Variants in TENM3 observed in about 807,000 individuals in gnomAD.
TENM3 encodes teneurin-3.
TENM3 carries 63 observed loss-of-function variants against 255.1 expected under a neutral mutation model. The ratio of observed to expected loss-of-function variants is 0.25; its 90% CI spans 0.20 to 0.30. TENM3 has a LOEUF of 0.30. TENM3 is among the 10% of genes least tolerant of loss of function. The probability of loss-of-function intolerance (pLI) is 1.00; values close to 1 mark genes in which losing one functional copy is unlikely to be tolerated. For missense variants in TENM3, 2,929 were observed against 3,461.1 expected (o/e 0.85, Z 3.86); for synonymous variants, 1,306 against 1,322.3 (o/e 0.99, Z 0.27).
upstream of TENM3, chr4:182,142,811 G>T (rs1749559318): frequency 1.2e-5 from 2 of 165,854 alleles, no homozygotes. Context: ...TCACTCGGCA[G>T]CCCCAAGCAC....
At chr4:182,601,503 T>G (rs1747848267) in intron 4 of TENM3, among the ~76,000 whole-genome samples, 1 of 152,224 alleles carries the variant, frequency 6.6e-6, no homozygotes, top group Non-Finnish European at 1.5e-5. Context: ...GCATGTAGTT[T>G]GATTCAGTGG....
chr4:182,557,282 C>T (rs1006890586), intron 3 of TENM3, among the ~76,000 whole-genome samples: 1 of 151,952 alleles, frequency 6.6e-6, no homozygotes. Context: ...TAACTGGGAC[C>T]CTATTTATTG....
At chr4:181,610,146 C>T in the TENM3 span, among the ~76,000 whole-genome samples, 25 of 152,282 alleles carry the variant, frequency 1.6e-4, no homozygotes, top group African/African-American at 5.5e-4. Context: ...TGGAGACGAA[C>T]CACATCAATG....
chr4:181,927,783 G>C, the TENM3 span, among the ~76,000 whole-genome samples: 3 of 152,160 alleles, frequency 2.0e-5, no homozygotes, highest in Non-Finnish European at 4.4e-5. Flanking sequence ...GCTCCAGCTG[G>C]CATCTGGCAG....
the TENM3 span, among the ~76,000 whole-genome samples, chr4:181,948,713 G>T: frequency 6.6e-6 from 1 of 152,116 alleles, no homozygotes; most frequent in Non-Finnish European, 1.5e-5. Context: ...ACCGCGCCTG[G>T]CCGGAAAATT....
At chr4:182,445,994 G>A (rs979214944) in intron 3 of TENM3, among the ~76,000 whole-genome samples, 3 of 152,176 alleles carry the variant, frequency 2.0e-5, no homozygotes, top group African/African-American at 7.2e-5. Flanking sequence ...ACTCTTTGGT[G>A]GACTCCTGTA....
chr4:181,984,994 A>G, the TENM3 span, among the ~76,000 whole-genome samples: 22 of 152,178 alleles, frequency 1.4e-4, 1 homozygote, highest in Admixed American at 1.1e-3. Flanking sequence ...GCACTGGCCA[A>G]TAGTGACGGC....
the TENM3 span, among the ~76,000 whole-genome samples, chr4:181,560,803 T>C: frequency 6.6e-6 from 1 of 152,114 alleles, no homozygotes; most frequent in East Asian, 1.9e-4. Context: ...GCCTGCTTTG[T>C]TCAGGAACAG....
At chr4:181,926,801 A>G in the TENM3 span, among the ~76,000 whole-genome samples, 3 of 151,906 alleles carry the variant, frequency 2.0e-5, no homozygotes, top group Non-Finnish European at 4.4e-5. Context: ...TGCATTTCCA[A>G]CTGAGGTACC....
rs1758841362 is a variant in TENM3, at chr4:182,262,143, A to G, written c.-76+18667A>G. ...GAACTGCATTTTTTTACAGCAATTA[A>G]GTGCCATACCTGATCATCTCATAGC... On this transcript the variant is annotated intron_variant, in intron 1 of 27. Coordinates refer to ENST00000511685, the MANE Select transcript of TENM3 (RefSeq NM_001080477.4). 2.0e-5 allele frequency among the ~76,000 whole-genome samples: 3 copies of G among 152,224 alleles called. No homozygotes were observed. The South Asian group carries it at 6.2e-4, about 32-fold the overall frequency.
At chr4:181,895,615 G>A in the TENM3 span, among the ~76,000 whole-genome samples, 4 of 133,064 alleles carry the variant, frequency 3.0e-5, no homozygotes, top group Non-Finnish European at 6.1e-5. Context: ...TGCAGTCATA[G>A]CTCACTGCAG....
chr4:181,697,759 T>G, the TENM3 span, among the ~76,000 whole-genome samples: 1 of 152,186 alleles, frequency 6.6e-6, no homozygotes, highest in African/African-American at 2.4e-5. Flanking sequence ...TAAACACTAT[T>G]AAGTGAAATG....
the TENM3 span, among the ~76,000 whole-genome samples, chr4:181,830,756 G>A: frequency 1.3e-5 from 2 of 152,118 alleles, no homozygotes; most frequent in Non-Finnish European, 2.9e-5. Context: ...CTTCCCAGAT[G>A]GACTGAAATC....
intron 3 of TENM3, among the ~76,000 whole-genome samples, chr4:182,599,725 A>G (rs1747646234): frequency 6.6e-6 from 1 of 152,218 alleles, no homozygotes. Context: ...TGGAGTTCAC[A>G]TCGTAGATGG....
intron 3 of TENM3, among the ~76,000 whole-genome samples, chr4:182,514,836 T>A (rs1056108439): frequency 3.9e-5 from 6 of 152,058 alleles, no homozygotes; most frequent in Non-Finnish European, 8.8e-5. Context: ...GGGGCTGAGA[T>A]GCAGATCAAG....
At chr4:182,712,919 T>A (rs1326510685) in intron 12 of TENM3, among the ~76,000 whole-genome samples, 1 of 152,232 alleles carries the variant, frequency 6.6e-6, no homozygotes, top group Non-Finnish European at 1.5e-5. Flanking sequence ...CTTAGAATTT[T>A]AGAGCATTTC....
Position 182,796,638 on chromosome 4 carries a change from T to G in TENM3, c.7215T>G (p.Asp2405Glu). ...KIHDVKDYIT[D>E]VNSWLVTFGF... ...TCATTCTGAACATTCTTCTCCTAGA[T>G]GTTAACAGCTGGCTGGTGACATTTG... The change falls in exon 27 of 28, where the codon GAT becomes GAG. Residue 2405 changes from aspartate (D) to glutamate (E), a missense_variant and splice_region_variant. Asp to Glu is a conservative substitution (Grantham distance 45). Coordinates refer to ENST00000511685, the MANE Select transcript of TENM3 (RefSeq NM_001080477.4). The G allele has an allele frequency of 1.2e-6, 2 of 1,605,570 alleles. No homozygotes were observed. The highest frequency in any genetic ancestry group is 1.7e-6 in the Non-Finnish European group (2 of 1,176,380).
At position 182,594,311 on chromosome 4, in the gene TENM3, C is replaced by G. The variant is rs1746966165; in HGVS notation, c.512-6613C>G. ...TGAACCACTGAGCCTGGCCCTATGA[C>G]ATTTCTGATCGTAATTTTTCTACCT... On this transcript the variant is annotated intron_variant, in intron 3 of 27. Coordinates refer to ENST00000511685, the MANE Select transcript of TENM3 (RefSeq NM_001080477.4). 2.6e-5 allele frequency among the ~76,000 whole-genome samples: 4 copies of G among 152,016 alleles called. No homozygotes were observed. In the South Asian group the frequency reaches 8.3e-4, roughly 32 times the overall value.
intron 13 of TENM3, among the ~76,000 whole-genome samples, chr4:182,725,258 T>C (rs1561162838): frequency 2.0e-5 from 3 of 152,112 alleles, no homozygotes; most frequent in Admixed American, 6.5e-5. Flanking sequence ...AGGCCTGTCT[T>C]GAATTACTGG....
Sources: allele counts gnomAD v4.1 joint callset (sites outside exome capture counted in the v4.1 genomes callset), GRCh38; gene constraint gnomAD v4.1.1; transcripts MANE v1.5; gene names NCBI Gene and HGNC (gene_info 2026-07-23, HGNC 2026-07-21).